Variants in DGLUCY observed in about 807,000 individuals in gnomAD.
DGLUCY encodes D-glutamate cyclase, mitochondrial.
Under a neutral mutation model 58.5 loss-of-function variants are expected in DGLUCY, and 58 were observed. That is an observed-to-expected ratio of 0.99 (90% CI 0.80 to 1.23). DGLUCY has a LOEUF of 1.23. Among genes scored for constraint, DGLUCY ranks in the 50% most tolerant of loss-of-function variants. The pLI is 0.00. For missense variants in DGLUCY, 779 were observed against 784.7 expected, an observed-to-expected ratio of 0.99 and a Z score of 0.09; for synonymous variants, 325 against 314.1, an observed-to-expected ratio of 1.03 and a Z score of -0.37.
At chr14:91,215,658 GC>G in intron 13 of DGLUCY, 102 bp downstream of exon 13, 1 of 1,598,166 alleles carries the variant, frequency 6.3e-7, no homozygotes, top group South Asian at 1.1e-5. Flanking sequence ...GCACCCTGCT[GC>G]CCCTCAAAAG....
At chr14:91,123,203 C>T (rs1482653697) in intron 1 of DGLUCY, among the ~76,000 whole-genome samples, 1 of 152,166 alleles carries the variant, frequency 6.6e-6, no homozygotes, top group Non-Finnish European at 1.5e-5. Context: ...TTTTATAGGT[C>T]TAACTTGGGT....
At chr14:91,213,158 G>GGGC (rs1373855411) in intron 12 of DGLUCY, among the ~76,000 whole-genome samples, 1 of 152,052 alleles carries the variant, frequency 6.6e-6, no homozygotes. Context: ...AAAAAAGCCA[G>GGGC]GCACGGTGAC....
chr14:91,154,671 A>G (rs2140315508), intron 1 of DGLUCY, among the ~76,000 whole-genome samples: 1 of 152,144 alleles, frequency 6.6e-6, no homozygotes, highest in South Asian at 2.1e-4. Context: ...CCTGCGAGAG[A>G]GACTTTCTGA....
chr14:91,075,067 C>T (rs942188812), intron 1 of DGLUCY, among the ~76,000 whole-genome samples: 4 of 138,586 alleles, frequency 2.9e-5, no homozygotes, highest in Non-Finnish European at 3.1e-5. Flanking sequence ...AGAGAAACTC[C>T]GTCTCAAAAA....
chr14:91,143,314 C>T (rs952438242), intron 1 of DGLUCY, among the ~76,000 whole-genome samples: 10 of 151,962 alleles, frequency 6.6e-5, no homozygotes, highest in African/African-American at 2.4e-4. Flanking sequence ...CCAGGATGGT[C>T]TTCATCTCCT....
At chr14:91,203,405 CTTCCAAGCCT>C (rs2050690654) in intron 11 of DGLUCY, among the ~76,000 whole-genome samples, 1 of 152,252 alleles carries the variant, frequency 6.6e-6, no homozygotes, top group Admixed American at 6.5e-5. Context: ...TCTTCCGCAT[CTTCCAAGCCT>C]TTATAGAAGC....
upstream of DGLUCY, among the ~76,000 whole-genome samples, chr14:91,106,317 C>G (rs567919423): frequency 1.3e-3 from 202 of 151,412 alleles, no homozygotes; most frequent in African/African-American, 4.4e-3. Context: ...CCTACCCCCC[C>G]CCAAAAAACT....
At chr14:91,187,721 C>T (rs2049607727) in intron 8 of DGLUCY, among the ~76,000 whole-genome samples, 1 of 152,194 alleles carries the variant, frequency 6.6e-6, no homozygotes, top group Non-Finnish European at 1.5e-5. Flanking sequence ...ACTCAACGCC[C>T]TAATAGGCAG....
At chr14:91,219,877 G>C (rs1019825943) in intron 13 of DGLUCY, among the ~76,000 whole-genome samples, 2 of 152,210 alleles carry the variant, frequency 1.3e-5, no homozygotes, top group African/African-American at 4.8e-5. Context: ...GGGCCAAGGT[G>C]CTGCAATTTG....
chr14:91,118,488 T>A (rs547547834), intron 1 of DGLUCY, among the ~76,000 whole-genome samples: 1 of 152,272 alleles, frequency 6.6e-6, no homozygotes, highest in African/African-American at 2.4e-5. Flanking sequence ...CAAAAAGCAG[T>A]TTCAAAATAT....
chr14:91,131,778 A>C (rs1351845502), intron 1 of DGLUCY, among the ~76,000 whole-genome samples: 2 of 152,080 alleles, frequency 1.3e-5, no homozygotes, highest in Non-Finnish European at 1.5e-5. Context: ...TGTTACTGAT[A>C]ATTAGCTTCC....
At chr14:91,130,520 A>G (rs965092013) in intron 1 of DGLUCY, among the ~76,000 whole-genome samples, 2 of 152,056 alleles carry the variant, frequency 1.3e-5, no homozygotes, top group Non-Finnish European at 2.9e-5. Flanking sequence ...ATGGGCCAGG[A>G]TGGTCTCGAT....
chr14:91,068,017 C>T (rs2043851246), intron 1 of DGLUCY, among the ~76,000 whole-genome samples: 1 of 151,666 alleles, frequency 6.6e-6, no homozygotes, highest in African/African-American at 2.4e-5. Context: ...TGACATGTCA[C>T]CACAGTTACA....
At chr14:91,159,377 G>C (rs1238091041) in intron 2 of DGLUCY, among the ~76,000 whole-genome samples, 2 of 152,128 alleles carry the variant, frequency 1.3e-5, no homozygotes, top group African/African-American at 4.8e-5. Context: ...AAGCCAGGAG[G>C]CGGAAGTTGC....
intron 1 of DGLUCY, among the ~76,000 whole-genome samples, chr14:91,145,524 C>T (rs1439643768): frequency 6.6e-6 from 1 of 152,056 alleles, no homozygotes; most frequent in East Asian, 1.9e-4. Context: ...CCCATTTGTA[C>T]CCGCTCCACC....
intron 5 of DGLUCY, among the ~76,000 whole-genome samples, chr14:91,170,861 C>G (rs748475802): frequency 3.9e-4 from 60 of 152,330 alleles, no homozygotes; most frequent in Middle Eastern, 3.4e-3. Flanking sequence ...CTCCAGGTTT[C>G]TTTATTTATG....
intron 1 of DGLUCY, among the ~76,000 whole-genome samples, chr14:91,134,475 T>C (rs1192715872): frequency 1.3e-5 from 2 of 152,012 alleles, no homozygotes; most frequent in Non-Finnish European, 2.9e-5. Context: ...TCTCCATCTG[T>C]CACCCAGGCT....
chr14:91,209,813 T>C (rs1175053160), intron 12 of DGLUCY, among the ~76,000 whole-genome samples: 2 of 152,242 alleles, frequency 1.3e-5, no homozygotes, highest in African/African-American at 4.8e-5. Context: ...TATATGTGTC[T>C]TTATATTTAA....
intron 1 of DGLUCY, among the ~76,000 whole-genome samples, chr14:91,120,730 C>T (rs914663921): frequency 1.3e-4 from 20 of 152,210 alleles, no homozygotes; most frequent in African/African-American, 3.9e-4. Context: ...ATTTGTGATT[C>T]CTTTCTTTCG....
Sources: allele counts gnomAD v4.1 joint callset (sites outside exome capture counted in the v4.1 genomes callset), GRCh38; gene constraint gnomAD v4.1.1; transcripts MANE v1.5; gene names NCBI Gene and HGNC (gene_info 2026-07-23, HGNC 2026-07-21).